UBXN7: variants seen among roughly 807,000 people sequenced by gnomAD.
UBXN7 encodes the protein UBX domain protein 7, also known as UBX domain-containing protein 7.
Under a neutral mutation model 58.0 loss-of-function variants are expected in UBXN7, and 9 were observed. The observed-to-expected ratio is 0.16, with a 90% CI of 0.09 to 0.27. UBXN7 has a LOEUF of 0.27. Among genes scored for constraint, UBXN7 ranks in the 10% least tolerant of loss-of-function variants. The probability of loss-of-function intolerance (pLI) is 1.00; values close to 1 mark genes in which losing one functional copy is unlikely to be tolerated. For missense variants in UBXN7, 328 were observed against 599.6 expected (o/e 0.55, Z 4.73); for synonymous variants, 208 against 205.0 (o/e 1.01, Z -0.12).
intron 3 of UBXN7, among the ~76,000 whole-genome samples, chr3:196,401,885 C>T (rs1320787489): frequency 2.0e-5 from 2 of 97,946 alleles, no homozygotes; most frequent in Non-Finnish European, 4.7e-5. Flanking sequence ...GGGTACTACG[C>T]TCATTACCTA....
At chr3:196,429,328 A>G (rs996963223) in intron 1 of UBXN7, among the ~76,000 whole-genome samples, 1 of 147,768 alleles carries the variant, frequency 6.8e-6, no homozygotes, top group Admixed American at 6.7e-5. Flanking sequence ...CTCCGTCTCA[A>G]AAAAAAAAAA....
chr3:196,419,451 T>TTC (rs1730607359), intron 1 of UBXN7, among the ~76,000 whole-genome samples: 1 of 152,146 alleles, frequency 6.6e-6, no homozygotes, highest in Non-Finnish European at 1.5e-5. Flanking sequence ...CTTGGTTAAG[T>TTC]CTGAACAAAG....
chr3:196,356,480 G>T lies in UBXN7; in HGVS notation c.*205C>A. ...GGGGGAGGCAGAAGGGTACGGAGTGGGGAGCGAGAAAACAGAAGAGGAGAA... is the reference window on the plus strand; with the variant it reads ...GGGGGAGGCAGAAGGGTACGGAGTGTGGAGCGAGAAAACAGAAGAGGAGAA... On this transcript the variant is annotated 3_prime_UTR_variant, in exon 11 of 11. Coordinates refer to ENST00000296328, the MANE Select transcript of UBXN7 (RefSeq NM_015562.2). 1 of 524,062 alleles carries T rather than the reference G, an allele frequency of 1.9e-6. No homozygotes were observed. Among genetic ancestry groups the T allele is most frequent in the Non-Finnish European group, 3.3e-6 (1 of 307,600 alleles). The allele number at this position is 524,062 out of a possible 1,614,324, so 32.5% of individuals were successfully genotyped here.
chr3:196,397,688 C>T lies in UBXN7; in HGVS notation c.290-4069G>A, dbSNP rs142414942. On this transcript the variant is annotated intron_variant, in intron 3 of 10. Coordinates refer to ENST00000296328, the MANE Select transcript of UBXN7 (RefSeq NM_015562.2). ...TGCAGACACCCAATCAGCATAGGGC[C>T]CTACAGCCAAGAACTCCTGGGGCTC... 554 of 152,348 alleles carry T rather than the reference C, an allele frequency of 3.6e-3. 20 individuals are homozygous for T. In the South Asian group the frequency reaches 0.074, roughly 20 times the overall value. The allele number at this position is 152,348 out of a possible 1,614,324, so 9.4% of individuals were successfully genotyped here. A position where few individuals can be genotyped will look rare whatever the true frequency, so the allele number is the denominator to read the frequency against.
intron 1 of UBXN7, among the ~76,000 whole-genome samples, chr3:196,418,272 G>A (rs1471930945): frequency 7.2e-6 from 1 of 138,992 alleles, no homozygotes; most frequent in Non-Finnish European, 1.6e-5. Context: ...GAGGGAGGGA[G>A]GGAAGGAGGG....
chr3:196,389,157 AAACT>A (rs1229264382), intron 5 of UBXN7, among the ~76,000 whole-genome samples: 5 of 152,178 alleles, frequency 3.3e-5, no homozygotes, highest in Admixed American at 6.6e-5. Flanking sequence ...GTGCCAAAAC[AAACT>A]AAGATCCTTT....
chr3:196,399,255 T>C (rs969128199), intron 3 of UBXN7, among the ~76,000 whole-genome samples: 1 of 152,216 alleles, frequency 6.6e-6, no homozygotes, highest in African/African-American at 2.4e-5. Flanking sequence ...AAATTAATCA[T>C]TTTTATTGCT....
chr3:196,367,239 T>C (rs1728696440), intron 8 of UBXN7, among the ~76,000 whole-genome samples: 1 of 151,814 alleles, frequency 6.6e-6, no homozygotes, highest in African/African-American at 2.4e-5. Flanking sequence ...CCTACTGCTA[T>C]CAAAGCCAAA....
At chr3:196,432,237 A>C in intron 1 of UBXN7, 90 bp downstream of exon 1, 1 of 1,538,234 alleles carries the variant, frequency 6.5e-7, no homozygotes, top group Admixed American at 1.8e-5. Context: ...AGCCCGAAGG[A>C]GGAATGCCTG....
At chr3:196,388,313 C>G (rs1179516433) in intron 5 of UBXN7, among the ~76,000 whole-genome samples, 3 of 18,720 alleles carry the variant, frequency 1.6e-4, no homozygotes, top group South Asian at 4.1e-3. Context: ...GGCTGGGGGG[C>G]TGGGGGAGGG....
Position 196,407,315 on chromosome 3 carries a change from T to C in UBXN7, c.152A>G (p.Asp51Gly). 1 of 1,613,416 alleles carries C rather than the reference T, an allele frequency of 6.2e-7. No individual in the cohort carries two copies. The highest frequency in any genetic ancestry group is 8.5e-7 in the Non-Finnish European group (1 of 1,179,982). Residue 51 changes from aspartate to glycine, a missense_variant, in exon 2 of 11, where the codon GAT becomes GGT. Asp to Gly is a moderately conservative substitution (Grantham distance 94, BLOSUM62 -1). Around this residue, in one of 4 missense-constraint regions of UBXN7, gnomAD observed 106 missense variants for 124.3 expected, o/e 0.85. Transcript: ENST00000296328. ...GGGCTCTTCAGCGATTCCTCCACCATCCAAAAACATAGTGACTGCCATTTC... is the reference window on the plus strand; with the variant it reads ...GGGCTCTTCAGCGATTCCTCCACCACCCAAAAACATAGTGACTGCCATTTC... ...NLEMAVTMFL[D>G]GGGIAEEPST...
At chr3:196,419,722 G>A (rs749629835) in intron 1 of UBXN7, among the ~76,000 whole-genome samples, 73 of 152,160 alleles carry the variant, frequency 4.8e-4, no homozygotes, top group Non-Finnish European at 1.0e-3. Flanking sequence ...GCATTTCATG[G>A]AGAGAGGCCA....
chr3:196,372,904 CCTGA>C (rs1006147639), intron 5 of UBXN7, among the ~76,000 whole-genome samples: 11 of 151,500 alleles, frequency 7.3e-5, no homozygotes, highest in Non-Finnish European at 1.5e-4. Flanking sequence ...TGCCACCATG[CCTGA>C]CTAATTTTTT....
At chr3:196,407,155 C>A (rs1360301025) in intron 2 of UBXN7, 91 bp downstream of exon 2, 19 of 1,512,358 alleles carry the variant, frequency 1.3e-5, no homozygotes, top group Non-Finnish European at 1.8e-6. Context: ...TCATTTATTT[C>A]AAAACCAGAG....
chr3:196,414,059 C>T (rs1004697074), intron 1 of UBXN7, among the ~76,000 whole-genome samples: 40 of 152,016 alleles, frequency 2.6e-4, no homozygotes, highest in Admixed American at 1.8e-3. Flanking sequence ...GTACGATCTC[C>T]GCTCACTGCA....
chr3:196,403,714 A>G (rs1365610349), intron 2 of UBXN7, among the ~76,000 whole-genome samples: 3 of 152,212 alleles, frequency 2.0e-5, no homozygotes, highest in Non-Finnish European at 4.4e-5. Context: ...ACAAGGACAT[A>G]TTAAAATAAA....
Position 196,355,168 on chromosome 3 carries a change from G to A in UBXN7, c.*1517C>T, listed in dbSNP as rs989039454. 1 of 151,996 alleles carries A rather than the reference G, an allele frequency of 6.6e-6. No homozygotes were observed. Among genetic ancestry groups the A allele is most frequent in the Non-Finnish European group, 1.5e-5 (1 of 68,002 alleles). 9.4% of individuals were successfully genotyped at this position (151,996 alleles called of 1,614,324 possible). A position where few individuals can be genotyped will look rare whatever the true frequency, so the allele number is the denominator to read the frequency against. ...TCTACGCAACATCTGAGGAACATAC[G>A]CTCCTCAGATAAAAGAATCAATCTA... On this transcript the variant is annotated 3_prime_UTR_variant, in exon 11 of 11. Coordinates refer to ENST00000296328, the MANE Select transcript of UBXN7 (RefSeq NM_015562.2).
rs539618098 is a variant in UBXN7, at chr3:196,351,693, T to G, written c.*4992A>C. On this transcript the variant is annotated 3_prime_UTR_variant, in exon 11 of 11. Transcript: ENST00000296328. ...ATTTTTCAGACGAGAAACCAGAGATTAAGAAGAAAGAGAAGTGTGAAGGTA... is the reference window on the plus strand; with the variant it reads ...ATTTTTCAGACGAGAAACCAGAGATGAAGAAGAAAGAGAAGTGTGAAGGTA... 2 of 152,296 alleles carry G rather than the reference T, an allele frequency of 1.3e-5. No individual in the cohort carries two copies. The highest frequency in any genetic ancestry group is 6.8e-3 in the Middle Eastern group (2 of 294). The allele number at this position is 152,296 out of a possible 1,614,324, so 9.4% of individuals were successfully genotyped here.
intron 1 of UBXN7, among the ~76,000 whole-genome samples, chr3:196,420,300 AGGTG>A (rs2079954513): frequency 6.6e-6 from 1 of 152,134 alleles, no homozygotes; most frequent in South Asian, 2.1e-4. Context: ...TGGGAGGCCA[AGGTG>A]GGTGGATCAC....
Sources: allele counts gnomAD v4.1 joint callset (sites outside exome capture counted in the v4.1 genomes callset), GRCh38; gene constraint gnomAD v4.1.1; regional missense constraint gnomAD v4.1.1; transcripts MANE v1.5; gene names NCBI Gene and HGNC (gene_info 2026-07-23, HGNC 2026-07-21).